Variants in ERICH1 observed in about 807,000 individuals in gnomAD.
ERICH1 encodes glutamate-rich protein 1.
In ERICH1, 56 loss-of-function variants were observed where a neutral mutation model predicts 39.6. That is an observed-to-expected ratio of 1.41 (90% CI 1.14 to 1.77). The LOEUF (loss-of-function observed/expected upper bound fraction) is 1.77. Among genes scored for constraint, ERICH1 ranks in the 40% most tolerant of loss-of-function variants. ERICH1 has a pLI of 0.00. For missense variants in ERICH1, 826 were observed against 575.4 expected, an observed-to-expected ratio of 1.44 and a Z score of -4.45; for synonymous variants, 313 against 223.6, an observed-to-expected ratio of 1.40 and a Z score of -3.57.
chr8:676,712 G>A (rs1273547592), intron 3 of ERICH1, among the ~76,000 whole-genome samples: 1 of 152,200 alleles, frequency 6.6e-6, no homozygotes, highest in African/African-American at 2.4e-5. Context: ...CTATACCACG[G>A]GCGTCTGTGC....
intron 2 of ERICH1, among the ~76,000 whole-genome samples, chr8:699,794 C>T (rs867655796): frequency 0.023 from 1,234 of 54,812 alleles, 29 homozygotes; most frequent in East Asian, 0.18. Context: ...CGCGCACAGA[C>T]CCGCACACGC....
rs770371327 is a variant in ERICH1, at chr8:664,685, C to T, written c.1259-9G>A. ...GATTACTCTGGCATGGTCTAGAAAGCAAAAAACACAAAACAAAAAATAAAA... is the reference window on the plus strand; with the variant it reads ...GATTACTCTGGCATGGTCTAGAAAGTAAAAAACACAAAACAAAAAATAAAA... On this transcript the variant is annotated splice_polypyrimidine_tract_variant and intron_variant, in intron 5 of 5. Transcript: ENST00000262109. 1.3e-6 allele frequency: 2 copies of T among 1,578,122 alleles called. No homozygotes were observed. Among genetic ancestry groups the T allele is most frequent in the African/African-American group, 2.7e-5 (2 of 73,482 alleles).
rs552718266 is a variant in ERICH1 at position 704,498 on chromosome 8, C to T, written c.169+11363G>A. On this transcript the variant is annotated intron_variant, in intron 2 of 5. Transcript: ENST00000262109. ...TGTAAAAATCCAAGAAAACTATTAA[C>T]TCTACTAAAGCTCTGCTCACTCCAC... 1.5e-3 allele frequency among the ~76,000 whole-genome samples: 233 copies of T among 152,304 alleles called. 1 individual carries two copies. Among genetic ancestry groups the T allele is most frequent in the South Asian group, 2.5e-3 (12 of 4,828 alleles).
At chr8:663,607 A>C (rs1801755914), downstream of ERICH1, among the ~76,000 whole-genome samples, 1 of 152,118 alleles carries the variant, frequency 6.6e-6, no homozygotes, top group East Asian at 1.9e-4. Context: ...CACAAACAGG[A>C]CGAGTGTGGT....
chr8:687,257 C>T (rs1032613817), intron 3 of ERICH1, among the ~76,000 whole-genome samples: 4 of 152,196 alleles, frequency 2.6e-5, no homozygotes, highest in Non-Finnish European at 5.9e-5. Context: ...GAGTCAATGC[C>T]TCACACCGCT....
chr8:715,238 C>T (rs11137063), intron 2 of ERICH1, among the ~76,000 whole-genome samples: 40,555 of 151,348 alleles, frequency 0.27, 5,538 homozygotes, highest in East Asian at 0.4. Context: ...GGATGTGCCG[C>T]AGACAGGTGG....
intron 3 of ERICH1, among the ~76,000 whole-genome samples, chr8:632,355 C>T (rs1294773001): frequency 1.3e-5 from 2 of 151,864 alleles, no homozygotes; most frequent in African/African-American, 4.8e-5. Context: ...AATGCCAAGG[C>T]TGCAAGAAAT....
intron 1 of ERICH1, among the ~76,000 whole-genome samples, chr8:719,161 C>T (rs1230319787): frequency 6.6e-6 from 1 of 152,138 alleles, no homozygotes; most frequent in African/African-American, 2.4e-5. Flanking sequence ...CCAGGCCTGG[C>T]GAGGCTCAGG....
intron 3 of ERICH1, among the ~76,000 whole-genome samples, chr8:654,803 C>T (rs1385468240): frequency 6.6e-6 from 1 of 152,130 alleles, no homozygotes; most frequent in African/African-American, 2.4e-5. Flanking sequence ...TCCATGGTGG[C>T]AGTGCAGGTA....
intron 1 of ERICH1, among the ~76,000 whole-genome samples, chr8:719,814 C>G (rs928083654): frequency 6.6e-6 from 1 of 152,136 alleles, no homozygotes; most frequent in African/African-American, 2.4e-5. Flanking sequence ...TTCCAAGGAC[C>G]ATCACCCTGT....
intron 3 of ERICH1, among the ~76,000 whole-genome samples, chr8:643,776 G>A (rs1025193354): frequency 1.3e-5 from 2 of 152,212 alleles, no homozygotes; most frequent in African/African-American, 2.4e-5. Context: ...GGTTGTAGGC[G>A]CAACTTCCTT....
intron 2 of ERICH1, among the ~76,000 whole-genome samples, chr8:705,949 A>G (rs1019134049): frequency 1.3e-5 from 2 of 152,204 alleles, no homozygotes; most frequent in Non-Finnish European, 2.9e-5. Context: ...GGCTGGCTGC[A>G]TATAGGACGG....
intron 2 of ERICH1, among the ~76,000 whole-genome samples, chr8:712,227 C>G (rs1034809915): frequency 1.3e-5 from 2 of 152,300 alleles, no homozygotes; most frequent in South Asian, 4.1e-4. Context: ...ATGTGTATAT[C>G]AAGTTAGGAA....
intron 2 of ERICH1, among the ~76,000 whole-genome samples, chr8:700,619 C>T (rs1308185874): frequency 3.9e-5 from 6 of 152,174 alleles, no homozygotes; most frequent in Admixed American, 3.3e-4. Context: ...AGTCAGTCCT[C>T]ACTATCCAGC....
intron 3 of ERICH1, chr8:626,020 A>G (rs1485885327): frequency 6.6e-6 from 1 of 152,228 alleles, no homozygotes; most frequent in African/African-American, 2.4e-5. Context: ...ACAATAGAAA[A>G]TATACTTCAC....
intron 2 of ERICH1, among the ~76,000 whole-genome samples, chr8:699,815 GCACAAGCGCACAGA>G (rs1811359946): frequency 1.9e-5 from 1 of 53,058 alleles, no homozygotes; most frequent in African/African-American, 5.4e-5. Context: ...GCACAGATCC[GCACAAGCGCACAGA>G]CCCGCACAGG....
chr8:720,029 G>A (rs1294730300), intron 1 of ERICH1, among the ~76,000 whole-genome samples: 1 of 152,044 alleles, frequency 6.6e-6, no homozygotes, highest in Non-Finnish European at 1.5e-5. Context: ...TCTCCAAGAA[G>A]ACCAACATTT....
intron 2 of ERICH1, among the ~76,000 whole-genome samples, chr8:715,608 C>T (rs914437883): frequency 1.6e-4 from 24 of 152,382 alleles, no homozygotes; most frequent in African/African-American, 5.5e-4. Flanking sequence ...TCAGTCCAAT[C>T]GCCATCTTCA....
intron 2 of ERICH1, among the ~76,000 whole-genome samples, chr8:708,663 G>A (rs1813865679): frequency 7.8e-6 from 1 of 128,856 alleles, no homozygotes; most frequent in South Asian, 2.7e-4. Flanking sequence ...TGGGGGCTGA[G>A]TGGTTACGGG....
Sources: allele counts gnomAD v4.1 joint callset (sites outside exome capture counted in the v4.1 genomes callset), GRCh38; gene constraint gnomAD v4.1.1; transcripts MANE v1.5; gene names NCBI Gene and HGNC (gene_info 2026-07-23, HGNC 2026-07-21).